Variants in PIK3C2G observed in about 807,000 individuals in gnomAD.
The protein encoded by PIK3C2G is phosphatidylinositol 3-kinase C2 domain-containing subunit gamma.
PIK3C2G carries 168 observed loss-of-function variants against 181.1 expected under a neutral mutation model. The ratio of observed to expected loss-of-function variants is 0.93; its 90% CI spans 0.82 to 1.05. The LOEUF (loss-of-function observed/expected upper bound fraction) is 1.05. Among genes scored for constraint, PIK3C2G ranks in the 50% least tolerant of loss-of-function variants. The pLI, the probability that PIK3C2G is intolerant of heterozygous loss-of-function variation, is 0.00. For missense variants in PIK3C2G, 1,869 were observed against 1,732.8 expected (o/e 1.08, Z -1.40); for synonymous variants, 573 against 592.2 (o/e 0.97, Z 0.47).
chr12:18,658,483 T>C, the PIK3C2G span, among the ~76,000 whole-genome samples: 2 of 152,134 alleles, frequency 1.3e-5, no homozygotes, highest in Non-Finnish European at 2.9e-5. Context: ...ATAAGATTAA[T>C]GGCTGATTGT....
intron 21 of PIK3C2G, among the ~76,000 whole-genome samples, chr12:18,496,407 A>C (rs1353764428): frequency 6.6e-6 from 1 of 152,154 alleles, no homozygotes; most frequent in Non-Finnish European, 1.5e-5. Context: ...TCAGTAAATG[A>C]AGTGATATGA....
chr12:18,650,664 ATGTGTG>A (rs1159499235), downstream of PIK3C2G, among the ~76,000 whole-genome samples: 308 of 35,528 alleles, frequency 8.7e-3, 7 homozygotes, highest in Middle Eastern at 0.021. Context: ...TGGAATATAA[ATGTGTG>A]TGTGTGTGTG....
chr12:18,394,938 AG>A (rs1943763916), intron 15 of PIK3C2G, among the ~76,000 whole-genome samples: 1 of 151,884 alleles, frequency 6.6e-6, no homozygotes, highest in Admixed American at 6.6e-5. Context: ...AAATATAAGA[AG>A]TAAAAGGCTT....
At chr12:18,723,564 G>C in the PIK3C2G span, 1 of 1,563,804 alleles carries the variant, frequency 6.4e-7, no homozygotes, top group Non-Finnish European at 8.8e-7. Context: ...ATGACTGGTG[G>C]GCTCACATTG....
intron 4 of PIK3C2G, among the ~76,000 whole-genome samples, chr12:18,291,660 T>C (rs1297736053): frequency 1.3e-5 from 2 of 152,156 alleles, no homozygotes; most frequent in Non-Finnish European, 2.9e-5. Flanking sequence ...ACATTTAGAT[T>C]GCTATTAAGT....
intron 29 of PIK3C2G, among the ~76,000 whole-genome samples, chr12:18,580,805 T>C (rs1027517753): frequency 3.3e-5 from 5 of 152,232 alleles, no homozygotes; most frequent in South Asian, 4.1e-4. Flanking sequence ...AAAACTCTTA[T>C]GGAAATTCGT....
chr12:18,674,815 T>G, the PIK3C2G span, among the ~76,000 whole-genome samples: 1 of 152,140 alleles, frequency 6.6e-6, no homozygotes, highest in Non-Finnish European at 1.5e-5. Context: ...TGCTCAGGCC[T>G]CAACACAGAT....
chr12:18,608,073 G>A (rs1308524338), intron 30 of PIK3C2G, among the ~76,000 whole-genome samples: 1 of 141,890 alleles, frequency 7.0e-6, no homozygotes. Flanking sequence ...GGATGTGGAG[G>A]ATGTGGAGAA....
At chr12:18,514,931 T>C (rs943462912) in intron 24 of PIK3C2G, among the ~76,000 whole-genome samples, 3 of 152,008 alleles carry the variant, frequency 2.0e-5, no homozygotes, top group Non-Finnish European at 4.4e-5. Flanking sequence ...CCTAATTTGT[T>C]GAGAGTTTTT....
the PIK3C2G span, among the ~76,000 whole-genome samples, chr12:18,724,521 C>T: frequency 1.1e-4 from 16 of 152,026 alleles, no homozygotes; most frequent in Non-Finnish European, 2.2e-4. Flanking sequence ...ATGCAAGAAG[C>T]ATGTGTTGAA....
chr12:18,363,248 G>A (rs773853583), intron 12 of PIK3C2G, among the ~76,000 whole-genome samples: 5 of 152,222 alleles, frequency 3.3e-5, no homozygotes, highest in African/African-American at 7.2e-5. Flanking sequence ...TCCTGATAAC[G>A]TGGGTAATCT....
intron 1 of PIK3C2G, among the ~76,000 whole-genome samples, chr12:18,264,295 T>C (rs1565531043): frequency 6.6e-6 from 1 of 152,160 alleles, no homozygotes; most frequent in Non-Finnish European, 1.5e-5. Flanking sequence ...TTAGAAATTG[T>C]TATTATTGTT....
At chr12:18,394,384 T>TA (rs1343724761) in intron 15 of PIK3C2G, among the ~76,000 whole-genome samples, 3 of 152,054 alleles carry the variant, frequency 2.0e-5, no homozygotes, top group Non-Finnish European at 4.4e-5. Flanking sequence ...ATATGATCAA[T>TA]AATTGAGAAA....
At chr12:18,634,296 G>C (rs1487441926) in intron 31 of PIK3C2G, among the ~76,000 whole-genome samples, 1 of 152,176 alleles carries the variant, frequency 6.6e-6, no homozygotes, top group Non-Finnish European at 1.5e-5. Flanking sequence ...TAAGATAAAG[G>C]ATAAGTTGTT....
intron 18 of PIK3C2G, among the ~76,000 whole-genome samples, chr12:18,486,852 C>T (rs1940089754): frequency 6.6e-6 from 1 of 152,188 alleles, no homozygotes. Flanking sequence ...CAAAAAACAT[C>T]TTCAAGCTTT....
intron 8 of PIK3C2G, among the ~76,000 whole-genome samples, chr12:18,327,481 C>T (rs1457020822): frequency 6.6e-6 from 1 of 151,802 alleles, no homozygotes; most frequent in Non-Finnish European, 1.5e-5. Context: ...TTTTAAAGTA[C>T]CAAATATTTT....
intron 23 of PIK3C2G, among the ~76,000 whole-genome samples, chr12:18,504,121 C>T (rs1471842249): frequency 6.6e-6 from 1 of 152,072 alleles, no homozygotes; most frequent in Non-Finnish European, 1.5e-5. Context: ...GCACTGAAAT[C>T]CCCTTATTTT....
In PIK3C2G at chr12:18,293,995, C is replaced by T; in HGVS notation, c.1014C>T (p.Gly338=). Residue 338 remains glycine (G), a synonymous_variant, in exon 5 of 33, where the codon GGC becomes GGT. Transcript: ENST00000538779. ...AAGATCATATTCTAAGTGTATGTGG[C>T]TCTGAAGAATTTTTACAAAAGTAAG... ...LPKDHILSVC[G]SEEFLQNDHC... The T allele has an allele frequency of 6.4e-7, 1 of 1,561,994 alleles. No homozygotes were observed. The highest frequency in any genetic ancestry group is 8.8e-7 in the Non-Finnish European group (1 of 1,136,246).
intron 29 of PIK3C2G, among the ~76,000 whole-genome samples, chr12:18,572,373 C>A (rs1945996507): frequency 6.8e-6 from 1 of 146,440 alleles, no homozygotes; most frequent in African/African-American, 2.5e-5. Flanking sequence ...ATATATAAAG[C>A]TATATATAAT....
Sources: gnomAD v4.1 joint callset for allele counts (sites outside exome capture counted in the v4.1 genomes callset) on GRCh38, gnomAD v4.1.1 for gene constraint, MANE v1.5 for transcripts, NCBI Gene and HGNC (gene_info 2026-07-23, HGNC 2026-07-21) for gene names.